Variants in BCAS3 observed in about 807,000 individuals in gnomAD.
BCAS3 encodes the protein BCAS4/BCAS3 fusion.
Under a neutral mutation model 116.1 loss-of-function variants are expected in BCAS3, and 53 were observed. The ratio of observed to expected loss-of-function variants is 0.46; its 90% CI spans 0.37 to 0.57. BCAS3 has a LOEUF of 0.57. BCAS3 is among the 20% of genes least tolerant of loss of function. The pLI is 0.00. For synonymous variants in BCAS3, 391 were observed against 408.2 expected (o/e 0.96, Z 0.51); for missense variants, 917 against 1,165.4 (o/e 0.79, Z 3.10).
At position 61,188,611 on chromosome 17, in the gene BCAS3, C is replaced by T. The variant is rs906070260; in HGVS notation, c.2425+104047C>T. Among the ~76,000 whole-genome samples, 7 of 152,196 alleles carry T rather than the reference C, an allele frequency of 4.6e-5. No individual in the cohort carries two copies. Among genetic ancestry groups the T allele is most frequent in the Non-Finnish European group, 1.0e-4 (7 of 68,044 alleles). ...TCTAAACCTTAGCAGTAGGTCTTAG[C>T]TTGTGCTAAGCATATAGAGTCCACT... On this transcript the variant is annotated intron_variant, in intron 22 of 23. Coordinates refer to ENST00000407086, the MANE Select transcript of BCAS3 (RefSeq NM_017679.5). This position sits in a 1 kb window ranked among gnomAD's most constrained non-coding sequence, Gnocchi z 4.0.
intron 22 of BCAS3, among the ~76,000 whole-genome samples, chr17:61,335,070 G>C (rs2056615136): frequency 6.6e-6 from 1 of 152,222 alleles, no homozygotes; most frequent in South Asian, 2.1e-4. Context: ...TTCTTCCTCA[G>C]GCACATCACT....
At chr17:61,150,528 C>A (rs2077488096) in intron 22 of BCAS3, among the ~76,000 whole-genome samples, 1 of 152,182 alleles carries the variant, frequency 6.6e-6, no homozygotes, top group African/African-American at 2.4e-5. Context: ...TCTGCTTGTT[C>A]TAGAAATAGA....
intron 6 of BCAS3, among the ~76,000 whole-genome samples, chr17:60,790,286 G>A (rs2046648581): frequency 1.3e-5 from 2 of 152,042 alleles, no homozygotes; most frequent in South Asian, 2.1e-4. Flanking sequence ...AGTATTATTT[G>A]CATTTTAAAA....
At chr17:61,147,219 T>C (rs7221398) in intron 22 of BCAS3, among the ~76,000 whole-genome samples, 141,669 of 151,890 alleles carry the variant, frequency 0.93, 66,846 homozygotes, top group East Asian at 1. Flanking sequence ...GGACTACAGG[T>C]ACGCACCACC....
Position 61,068,574 on chromosome 17 carries a change from A to G in BCAS3, c.2030-6346A>G, listed in dbSNP as rs2070977625. Among the ~76,000 whole-genome samples, 1 of 152,180 alleles carries G rather than the reference A, an allele frequency of 6.6e-6. No individual in the cohort carries two copies. Among genetic ancestry groups the G allele is most frequent in the Non-Finnish European group, 1.5e-5 (1 of 68,028 alleles). ...GGAGAACATGGTAAGGTTGTCACAGACCTGGCTGTACAGACACACTATGTG... is the reference window on the plus strand; with the variant it reads ...GGAGAACATGGTAAGGTTGTCACAGGCCTGGCTGTACAGACACACTATGTG... On this transcript the variant is annotated intron_variant, in intron 19 of 23. Coordinates refer to ENST00000407086, the MANE Select transcript of BCAS3 (RefSeq NM_017679.5). The surrounding 1 kb of genome is among the most constrained non-coding windows in gnomAD (Gnocchi z 4.3).
chr17:60,795,856 A>G (rs1303773808), intron 6 of BCAS3, among the ~76,000 whole-genome samples: 1 of 151,888 alleles, frequency 6.6e-6, no homozygotes, highest in Admixed American at 6.6e-5. Context: ...CACCTGGCTA[A>G]TTTTTGTGTT....
At chr17:60,853,933 G>C (rs2053418515) in intron 7 of BCAS3, among the ~76,000 whole-genome samples, 1 of 151,544 alleles carries the variant, frequency 6.6e-6, no homozygotes, top group Admixed American at 6.6e-5. Context: ...TAAGTTCTAG[G>C]GTACATGTGC....
At position 61,241,099 on chromosome 17, in the gene BCAS3, T is replaced by TA. The variant is rs1304437091; in HGVS notation, c.2426-127227dup. On this transcript the variant is annotated intron_variant, in intron 22 of 23. Coordinates refer to ENST00000407086, the MANE Select transcript of BCAS3 (RefSeq NM_017679.5). The surrounding 1 kb of genome is among the most constrained non-coding windows in gnomAD (Gnocchi z 4.6). ...CCTTCAAAAGACTCTGAATAGCAAT[T>TA]ACAATACAGTTAAGCTTTCTTTGGG... 6.6e-6 allele frequency among the ~76,000 whole-genome samples: 1 copy of TA among 152,200 alleles called. No homozygotes were observed.
At chr17:61,310,666 C>T (rs376195700) in intron 22 of BCAS3, among the ~76,000 whole-genome samples, 15 of 152,066 alleles carry the variant, frequency 9.9e-5, no homozygotes, top group African/African-American at 2.2e-4. Flanking sequence ...AGTATTAAGC[C>T]GAGCTATGAA....
rs1239162826 is a variant in BCAS3, at chr17:61,017,164, TC to T, written c.1637+1265del. ...TTTAAATTGGATTTCAACTTTCTCT[TC>T]CTCTGTTAGTTTATTTTAAAATAAT... On this transcript the variant is annotated intron_variant, in intron 16 of 23. Coordinates refer to ENST00000407086, the MANE Select transcript of BCAS3 (RefSeq NM_017679.5). This position sits in a 1 kb window ranked among gnomAD's most constrained non-coding sequence, Gnocchi z 4.7. 6.6e-6 allele frequency: 1 copy of T among 152,186 alleles called. No homozygotes were observed. Among genetic ancestry groups the T allele is most frequent in the African/African-American group, 2.4e-5 (1 of 41,444 alleles). The allele number at this position is 152,186 out of a possible 1,614,324, so 9.4% of individuals were successfully genotyped here. A position where few individuals can be genotyped will look rare whatever the true frequency, so the allele number is the denominator to read the frequency against.
Position 61,316,529 on chromosome 17 carries a change from C to T in BCAS3, c.2426-51798C>T, listed in dbSNP as rs529552404. 1.3e-5 allele frequency among the ~76,000 whole-genome samples: 2 copies of T among 152,212 alleles called. No homozygotes were observed. The highest frequency in any genetic ancestry group is 2.4e-5 in the African/African-American group (1 of 41,524). Reference sequence around the variant, plus strand: ...ATTTGCCTCCACATGCCGCCGCGTCCCTTCCACAGCTCCCCTGCAGTAGCA... The same window carrying T: ...ATTTGCCTCCACATGCCGCCGCGTCTCTTCCACAGCTCCCCTGCAGTAGCA... On this transcript the variant is annotated intron_variant, in intron 22 of 23. Coordinates refer to ENST00000407086, the MANE Select transcript of BCAS3 (RefSeq NM_017679.5). This position sits in a 1 kb window ranked among gnomAD's most constrained non-coding sequence, Gnocchi z 5.8.
At chr17:60,915,004 A>G (rs2058706556) in intron 12 of BCAS3, among the ~76,000 whole-genome samples, 1 of 152,212 alleles carries the variant, frequency 6.6e-6, no homozygotes, top group Non-Finnish European at 1.5e-5. Context: ...GATATAAAAT[A>G]TACCCATAAC....
intron 6 of BCAS3, among the ~76,000 whole-genome samples, chr17:60,779,990 T>A (rs2045653398): frequency 6.6e-6 from 1 of 151,864 alleles, no homozygotes; most frequent in Non-Finnish European, 1.5e-5. Context: ...TTACTATTTT[T>A]AATTTTTTTT....
chr17:61,118,558 TG>T lies in BCAS3; in HGVS notation c.2425+33997del, dbSNP rs1162272843. Among the ~76,000 whole-genome samples, 1 of 152,168 alleles carries T rather than the reference TG, an allele frequency of 6.6e-6. No homozygotes were observed. The highest frequency in any genetic ancestry group is 1.5e-5 in the Non-Finnish European group (1 of 68,022). On this transcript the variant is annotated intron_variant, in intron 22 of 23. Transcript: ENST00000407086. This position sits in a 1 kb window ranked among gnomAD's most constrained non-coding sequence, Gnocchi z 5.0. Reference sequence around the variant, plus strand: ...TCCAACACCACCCCTGTGGAGGTGTTGGGCACCTTGTCATAGCCTCTCAAGG... The same window carrying T: ...TCCAACACCACCCCTGTGGAGGTGTTGGCACCTTGTCATAGCCTCTCAAGG...
At chr17:60,945,465 A>C (rs1441519819) in intron 13 of BCAS3, among the ~76,000 whole-genome samples, 1 of 152,222 alleles carries the variant, frequency 6.6e-6, no homozygotes, top group Non-Finnish European at 1.5e-5. Flanking sequence ...GGTATTAGTG[A>C]ATGTATAGAC....
At chr17:60,989,277 A>G (rs746774819) in intron 14 of BCAS3, among the ~76,000 whole-genome samples, 9 of 152,068 alleles carry the variant, frequency 5.9e-5, no homozygotes, top group Non-Finnish European at 1.2e-4. Flanking sequence ...AGCTTTCTTT[A>G]ATTTTTTTCT....
At chr17:60,867,786 C>T (rs2054748346) in intron 7 of BCAS3, among the ~76,000 whole-genome samples, 1 of 152,120 alleles carries the variant, frequency 6.6e-6, no homozygotes, top group African/African-American at 2.4e-5. Context: ...GGCTTATGCA[C>T]AAGACCTTCC....
intron 22 of BCAS3, among the ~76,000 whole-genome samples, chr17:61,133,443 A>C (rs2076446029): frequency 6.6e-6 from 1 of 152,204 alleles, no homozygotes; most frequent in Admixed American, 6.5e-5. Context: ...TCATCTACCA[A>C]GAGACAAAGA....
intron 14 of BCAS3, among the ~76,000 whole-genome samples, chr17:60,948,033 C>T (rs866045342): frequency 4.6e-5 from 7 of 151,988 alleles, no homozygotes; most frequent in Admixed American, 1.3e-4. Context: ...ATTTACTGAG[C>T]GCTTGTATCA....
Sources: allele counts gnomAD v4.1 joint callset (sites outside exome capture counted in the v4.1 genomes callset), GRCh38; gene constraint gnomAD v4.1.1; non-coding constraint Gnocchi (gnomAD v3.1); transcripts MANE v1.5; gene names NCBI Gene and HGNC (gene_info 2026-07-23, HGNC 2026-07-21).